Variants in OPCML observed in about 807,000 individuals in gnomAD.
OPCML encodes opioid-binding protein/cell adhesion molecule.
Under a neutral mutation model 37.8 loss-of-function variants are expected in OPCML, and 13 were observed. The observed-to-expected ratio is 0.34, with a 90% CI of 0.22 to 0.55. OPCML has a LOEUF of 0.55. Ranked by LOEUF, OPCML falls within the 20% of genes least tolerant of loss-of-function variation. The probability of loss-of-function intolerance (pLI) is 0.91; values close to 1 mark genes in which losing one functional copy is unlikely to be tolerated. For missense variants in OPCML, 341 were observed against 435.6 expected (o/e 0.78, Z 1.93); for synonymous variants, 176 against 168.8 (o/e 1.04, Z -0.33).
rs1948601499 is a variant in OPCML at position 133,075,108 on chromosome 11, TCA to T, written c.62-132100_62-132099del. 7.2e-5 allele frequency among the ~76,000 whole-genome samples: 11 copies of T among 152,222 alleles called. No homozygotes were observed. The South Asian group carries it at 2.3e-3, about 32-fold the overall frequency. ...GCCCTGTCAGCGTAGCTGCATTTTG[TCA>T]CAGACTGAGTAGTAGACAAGGCTCA... On this transcript the variant is annotated intron_variant, in intron 1 of 7. Coordinates refer to ENST00000524381, the MANE Select transcript of OPCML (RefSeq NM_001012393.5).
At chr11:133,035,072 G>T (rs1352527429) in intron 1 of OPCML, among the ~76,000 whole-genome samples, 1 of 152,136 alleles carries the variant, frequency 6.6e-6, no homozygotes, top group Non-Finnish European at 1.5e-5. Context: ...AGGATGCTCT[G>T]GGAGAGTAGC....
intron 2 of OPCML, among the ~76,000 whole-genome samples, chr11:132,658,831 G>C (rs1174783208): frequency 6.6e-6 from 1 of 152,200 alleles, no homozygotes; most frequent in African/African-American, 2.4e-5. Context: ...CTAGCAACTT[G>C]TTATATCTCA....
chr11:132,758,267 G>T (rs1946131601), intron 2 of OPCML, among the ~76,000 whole-genome samples: 1 of 152,158 alleles, frequency 6.6e-6, no homozygotes, highest in Non-Finnish European at 1.5e-5. Flanking sequence ...TTTTTGCTTA[G>T]GATTGTCTTG....
At chr11:133,329,674 T>C (rs1320662562) in intron 1 of OPCML, among the ~76,000 whole-genome samples, 6 of 152,156 alleles carry the variant, frequency 3.9e-5, no homozygotes, top group Non-Finnish European at 5.9e-5. Context: ...TTACACCTTA[T>C]ACAAAAATTA....
At chr11:133,227,086 G>T (rs929271671) in intron 1 of OPCML, among the ~76,000 whole-genome samples, 25 of 152,204 alleles carry the variant, frequency 1.6e-4, no homozygotes, top group African/African-American at 6.0e-4. Flanking sequence ...TGTTAGGGGG[G>T]GGTGCTGTCC....
chr11:132,838,976 C>T (rs1226690512), intron 2 of OPCML, among the ~76,000 whole-genome samples: 1 of 152,196 alleles, frequency 6.6e-6, no homozygotes, highest in East Asian at 1.9e-4. Flanking sequence ...TGCACACCAA[C>T]AGAGAAAAGT....
intron 1 of OPCML, among the ~76,000 whole-genome samples, chr11:133,256,740 T>C (rs1314432503): frequency 6.6e-6 from 1 of 152,236 alleles, no homozygotes; most frequent in Non-Finnish European, 1.5e-5. Context: ...AGCTTTAAAT[T>C]AGAAAGTAAT....
chr11:133,309,720 C>A (rs935406580), intron 1 of OPCML, among the ~76,000 whole-genome samples: 2 of 152,132 alleles, frequency 1.3e-5, no homozygotes, highest in African/African-American at 4.8e-5. Flanking sequence ...TGTATGGGAC[C>A]TCTGAATGTT....
chr11:132,430,539 T>C (rs1592162204), intron 7 of OPCML, among the ~76,000 whole-genome samples: 2 of 151,724 alleles, frequency 1.3e-5, no homozygotes, highest in Admixed American at 1.3e-4. Context: ...CAGGCTGGAG[T>C]CACAGCTGCT....
chr11:132,981,814 A>C (rs1281118856), intron 1 of OPCML, among the ~76,000 whole-genome samples: 2 of 152,224 alleles, frequency 1.3e-5, no homozygotes, highest in Admixed American at 6.5e-5. Flanking sequence ...AACCAACAGA[A>C]TGAAGAAACA....
At chr11:133,468,187 G>A (rs534851144) in intron 1 of OPCML, among the ~76,000 whole-genome samples, 3 of 152,302 alleles carry the variant, frequency 2.0e-5, no homozygotes, top group Admixed American at 1.3e-4. Context: ...GCAATGGCAC[G>A]GTTTCCAGGA....
At chr11:133,179,646 G>A (rs997927992) in intron 1 of OPCML, among the ~76,000 whole-genome samples, 2 of 152,198 alleles carry the variant, frequency 1.3e-5, no homozygotes, top group African/African-American at 2.4e-5. Context: ...CCACAGAGAT[G>A]TAGACCCACA....
intron 1 of OPCML, among the ~76,000 whole-genome samples, chr11:133,509,408 C>T (rs1189473243): frequency 6.6e-6 from 1 of 152,244 alleles, no homozygotes; most frequent in Non-Finnish European, 1.5e-5. Context: ...TCTCATTCCA[C>T]TTCGTGGCTA....
intron 1 of OPCML, among the ~76,000 whole-genome samples, chr11:132,985,558 G>A (rs1354820924): frequency 6.6e-6 from 1 of 152,184 alleles, no homozygotes; most frequent in Non-Finnish European, 1.5e-5. Context: ...CACCTTTTAG[G>A]TCAGACTTAA....
At chr11:133,335,299 A>C (rs1450599603) in intron 1 of OPCML, among the ~76,000 whole-genome samples, 4 of 152,224 alleles carry the variant, frequency 2.6e-5, no homozygotes, top group Non-Finnish European at 5.9e-5. Flanking sequence ...GAATGGCAGA[A>C]TGGTCCAGGT....
chr11:132,881,652 T>C (rs1270984355), intron 2 of OPCML, among the ~76,000 whole-genome samples: 1 of 151,990 alleles, frequency 6.6e-6, no homozygotes, highest in Non-Finnish European at 1.5e-5. Context: ...AAAAAGGCCG[T>C]CTTCAGAAAA....
chr11:133,362,355 C>T (rs1356533934), intron 1 of OPCML, among the ~76,000 whole-genome samples: 2 of 152,196 alleles, frequency 1.3e-5, no homozygotes, highest in Non-Finnish European at 2.9e-5. Flanking sequence ...TCTGGAAAGG[C>T]CCTGCTCCTC....
At chr11:132,579,680 CA>C (rs1220589052) in intron 3 of OPCML, among the ~76,000 whole-genome samples, 1 of 152,112 alleles carries the variant, frequency 6.6e-6, no homozygotes, top group Admixed American at 6.6e-5. Context: ...TTGCTCAGTA[CA>C]GTGGCACATG....
intron 1 of OPCML, among the ~76,000 whole-genome samples, chr11:133,077,984 C>A (rs914803931): frequency 6.6e-6 from 1 of 152,100 alleles, no homozygotes; most frequent in Non-Finnish European, 1.5e-5. Flanking sequence ...TTATGGAAGC[C>A]GCGATTCTAG....
Sources: allele counts gnomAD v4.1 joint callset (sites outside exome capture counted in the v4.1 genomes callset), GRCh38; gene constraint gnomAD v4.1.1; transcripts MANE v1.5; gene names NCBI Gene and HGNC (gene_info 2026-07-23, HGNC 2026-07-21).